The following WDFY1 variants were observed in gnomAD, a reference collection of about 807,000 sequenced individuals.
WDFY1 encodes WD repeat and FYVE domain containing 1.
WDFY1 carries 32 observed loss-of-function variants against 56.4 expected under a neutral mutation model. The ratio of observed to expected loss-of-function variants is 0.57; its 90% CI spans 0.43 to 0.76. WDFY1 has a LOEUF of 0.76. WDFY1 is among the 30% of genes least tolerant of loss of function. The pLI, the probability that WDFY1 is intolerant of heterozygous loss-of-function variation, is 0.00. For synonymous variants in WDFY1, 192 were observed against 197.3 expected, an observed-to-expected ratio of 0.97 and a Z score of 0.23; for missense variants, 480 against 545.7, an observed-to-expected ratio of 0.88 and a Z score of 1.20.
At chr2:223,944,323 C>T (rs1400227983) in intron 1 of WDFY1, among the ~76,000 whole-genome samples, 2 of 152,264 alleles carry the variant, frequency 1.3e-5, no homozygotes, top group South Asian at 2.1e-4. Context: ...CCCGGGAGGG[C>T]CAAGAAACAC....
At chr2:223,888,078 T>C (rs189685174) in intron 8 of WDFY1, among the ~76,000 whole-genome samples, 8 of 87,050 alleles carry the variant, frequency 9.2e-5, no homozygotes, top group Admixed American at 3.2e-4. Flanking sequence ...GTAAATTACA[T>C]TAAATTTACA....
intron 1 of WDFY1, among the ~76,000 whole-genome samples, chr2:223,921,603 T>C (rs1379215463): frequency 2.6e-5 from 4 of 152,164 alleles, no homozygotes; most frequent in Non-Finnish European, 5.9e-5. Context: ...AAAGATTTTT[T>C]TTTTTTTGAC....
intron 2 of WDFY1, among the ~76,000 whole-genome samples, chr2:223,917,446 A>G (rs1411540862): frequency 6.6e-6 from 1 of 152,146 alleles, no homozygotes; most frequent in Admixed American, 6.5e-5. Flanking sequence ...CAGTTAAGCC[A>G]GAGACTCAAC....
At chr2:223,881,060 C>T (rs973412183) in intron 10 of WDFY1, among the ~76,000 whole-genome samples, 2 of 152,150 alleles carry the variant, frequency 1.3e-5, no homozygotes, top group South Asian at 4.1e-4. Flanking sequence ...AAAGATGATT[C>T]AAAGGGAAGG....
chr2:223,917,823 TG>T (rs1693814471), intron 2 of WDFY1, 119 bp downstream of exon 2: 1 of 1,114,302 alleles, frequency 9.0e-7, no homozygotes, highest in Non-Finnish European at 1.3e-6. Flanking sequence ...CTACCCGCCT[TG>T]GCCTCTCAAA....
intron 4 of WDFY1, among the ~76,000 whole-genome samples, chr2:223,903,227 A>C (rs1195261318): frequency 2.6e-5 from 4 of 152,296 alleles, no homozygotes; most frequent in African/African-American, 7.2e-5. Flanking sequence ...GCCCATAAAG[A>C]ACTCTGACAA....
intron 1 of WDFY1, among the ~76,000 whole-genome samples, chr2:223,929,262 A>G (rs956389793): frequency 3.6e-5 from 5 of 138,846 alleles, no homozygotes; most frequent in Admixed American, 3.2e-4. Flanking sequence ...ATCTCTTCTC[A>G]CTGCAACCTC....
chr2:223,945,145 T>C lies in WDFY1; in HGVS notation c.137+3A>G, dbSNP rs779143276. 3.1e-6 allele frequency: 5 copies of C among 1,589,582 alleles called. No homozygotes were observed. Among genetic ancestry groups the C allele is most frequent in the Middle Eastern group, 2.2e-4 (1 of 4,516 alleles). On this transcript the variant is annotated splice_donor_region_variant and intron_variant, in intron 1 of 11. Coordinates refer to ENST00000233055, the MANE Select transcript of WDFY1 (RefSeq NM_020830.5). ...GGCCGCCCCGGCTGCGCCCGGGCCC[T>C]ACCTGTCCTCGCTGGCCGTGATCAC...
chr2:223,944,404 G>A (rs1167892325), intron 1 of WDFY1, among the ~76,000 whole-genome samples: 1 of 152,286 alleles, frequency 6.6e-6, no homozygotes, highest in African/African-American at 2.4e-5. Flanking sequence ...GTGCGACACC[G>A]CAGGTCGGGG....
rs1001151819 is a variant in WDFY1 at position 223,915,120 on chromosome 2, C to G, written c.206-2794G>C. Among the ~76,000 whole-genome samples the G allele has an allele frequency of 2.6e-5, 4 of 152,342 alleles. No individual in the cohort carries two copies. In the East Asian group the frequency reaches 7.7e-4, roughly 29 times the overall value. On this transcript the variant is annotated intron_variant, in intron 2 of 11. Transcript: ENST00000233055. Reference sequence around the variant, plus strand: ...AAAACAGACATGCAGTTATTTCTCACAATGCATTCACTCTGTTTTCTTCTT... The same window carrying G: ...AAAACAGACATGCAGTTATTTCTCAGAATGCATTCACTCTGTTTTCTTCTT...
intron 1 of WDFY1, among the ~76,000 whole-genome samples, chr2:223,921,724 G>T (rs1024790534): frequency 3.9e-5 from 6 of 152,098 alleles, no homozygotes; most frequent in Non-Finnish European, 1.5e-5. Context: ...CTGAGCAGCT[G>T]GGACTACAGA....
intron 1 of WDFY1, among the ~76,000 whole-genome samples, chr2:223,918,460 C>CT (rs1259018815): frequency 1.3e-5 from 2 of 152,028 alleles, no homozygotes; most frequent in East Asian, 3.9e-4. Context: ...AACCCCGTGT[C>CT]TACTAAAAAT....
At chr2:223,923,591 C>G (rs1376515892) in intron 1 of WDFY1, among the ~76,000 whole-genome samples, 1 of 152,104 alleles carries the variant, frequency 6.6e-6, no homozygotes, top group African/African-American at 2.4e-5. Flanking sequence ...GAAACCCTGT[C>G]TCTACTAAAA....
chr2:223,936,852 C>T (rs1020517240), intron 1 of WDFY1, among the ~76,000 whole-genome samples: 3 of 152,210 alleles, frequency 2.0e-5, no homozygotes, highest in Non-Finnish European at 4.4e-5. Context: ...TAAGGAGCTT[C>T]CCTGATAAAC....
chr2:223,906,072 C>A, intron 3 of WDFY1, 71 bp from the exon 4 acceptor site: 1 of 1,245,362 alleles, frequency 8.0e-7, no homozygotes, highest in East Asian at 2.6e-5. Flanking sequence ...ACTTGACTTT[C>A]AAAAATGAAG....
intron 11 of WDFY1, among the ~76,000 whole-genome samples, chr2:223,879,171 A>G (rs1457965215): frequency 1.3e-5 from 2 of 152,262 alleles, no homozygotes; most frequent in Non-Finnish European, 2.9e-5. Context: ...TGGGTGACAG[A>G]GCGAGACCTT....
At chr2:223,886,686 C>G (rs571202349) in intron 8 of WDFY1, among the ~76,000 whole-genome samples, 3 of 145,222 alleles carry the variant, frequency 2.1e-5, no homozygotes, top group Non-Finnish European at 3.0e-5. Flanking sequence ...GCAGAGATTG[C>G]ACCACGGCAC....
chr2:223,893,287 C>G (rs1444054089), intron 8 of WDFY1, among the ~76,000 whole-genome samples: 1 of 149,000 alleles, frequency 6.7e-6, no homozygotes, highest in Non-Finnish European at 1.5e-5. Context: ...GAGACTGAGG[C>G]AGGAGGATTG....
intron 2 of WDFY1, among the ~76,000 whole-genome samples, chr2:223,914,887 A>T (rs1432773609): frequency 6.6e-6 from 1 of 152,184 alleles, no homozygotes; most frequent in Non-Finnish European, 1.5e-5. Flanking sequence ...TATGTGAGGT[A>T]ATGTTATAGA....
Sources: allele counts gnomAD v4.1 joint callset (sites outside exome capture counted in the v4.1 genomes callset), GRCh38; gene constraint gnomAD v4.1.1; transcripts MANE v1.5; gene names NCBI Gene and HGNC (gene_info 2026-07-23, HGNC 2026-07-21).